Variants in JMJD1C observed in about 807,000 individuals in gnomAD.
The protein encoded by JMJD1C is jumonji domain-containing protein 1C.
Under a neutral mutation model 245.3 loss-of-function variants are expected in JMJD1C, and 31 were observed. The observed-to-expected ratio is 0.13, with a 90% CI of 0.09 to 0.17. The LOEUF (loss-of-function observed/expected upper bound fraction) is 0.17, where lower values mean the gene tolerates loss of function less well. Among genes scored for constraint, JMJD1C ranks in the 10% least tolerant of loss-of-function variants. The pLI is 1.00. For synonymous variants in JMJD1C, 1,057 were observed against 1,017.4 expected, an observed-to-expected ratio of 1.04 and a Z score of -0.74; for missense variants, 2,691 against 3,000.2, an observed-to-expected ratio of 0.90 and a Z score of 2.41.
At chr10:63,271,202 A>C (rs948083719) in intron 2 of JMJD1C, among the ~76,000 whole-genome samples, 42 of 151,884 alleles carry the variant, frequency 2.8e-4, no homozygotes, top group African/African-American at 9.9e-4. Context: ...CTGAGACAGA[A>C]TCTCACTGTT....
chr10:63,388,489 C>A (rs1947801857), intron 1 of JMJD1C, among the ~76,000 whole-genome samples: 5 of 152,118 alleles, frequency 3.3e-5, no homozygotes, highest in Admixed American at 3.3e-4. Context: ...TTAAAGGAGT[C>A]TGATGCTGGG....
intron 1 of JMJD1C, among the ~76,000 whole-genome samples, chr10:63,436,404 C>G (rs1023637446): frequency 1.3e-5 from 2 of 152,180 alleles, no homozygotes; most frequent in East Asian, 3.8e-4. Flanking sequence ...AAGCTACTTA[C>G]TAGCTCTCTT....
At chr10:63,501,749 C>T (rs1018344670) in intron 1 of JMJD1C, among the ~76,000 whole-genome samples, 2 of 151,992 alleles carry the variant, frequency 1.3e-5, no homozygotes, top group Non-Finnish European at 2.9e-5. Flanking sequence ...GCACTCCAGC[C>T]TGGACAACAG....
intron 1 of JMJD1C, among the ~76,000 whole-genome samples, chr10:63,386,362 T>G (rs1029282421): frequency 1.3e-5 from 2 of 152,158 alleles, no homozygotes; most frequent in African/African-American, 4.8e-5. Context: ...CCTTCCCCAG[T>G]AGCAGGGCTG....
chr10:63,247,629 G>T (rs565131938), intron 3 of JMJD1C, among the ~76,000 whole-genome samples: 13 of 147,960 alleles, frequency 8.8e-5, no homozygotes, highest in African/African-American at 3.0e-4. Context: ...GCTACTTGGA[G>T]GTTGAGGCAG....
intron 2 of JMJD1C, among the ~76,000 whole-genome samples, chr10:63,295,174 G>C (rs1209153642): frequency 6.6e-6 from 1 of 152,072 alleles, no homozygotes; most frequent in African/African-American, 2.4e-5. Context: ...TCTCACTGCA[G>C]GTGTGAACTC....
intron 2 of JMJD1C, among the ~76,000 whole-genome samples, chr10:63,352,042 C>A (rs571784162): frequency 6.6e-6 from 1 of 151,884 alleles, no homozygotes; most frequent in South Asian, 2.1e-4. Context: ...TAAGGAGGGG[C>A]GAGAATAAAA....
chr10:63,367,176 G>C (rs958329653), intron 2 of JMJD1C, among the ~76,000 whole-genome samples: 2 of 152,112 alleles, frequency 1.3e-5, no homozygotes, highest in African/African-American at 4.8e-5. Flanking sequence ...AGCCCCTGCT[G>C]GTCTCCTTCC....
intron 2 of JMJD1C, among the ~76,000 whole-genome samples, chr10:63,359,803 G>A (rs368702526): frequency 6.6e-6 from 1 of 152,078 alleles, no homozygotes; most frequent in South Asian, 2.1e-4. Flanking sequence ...TTACAATTTA[G>A]AATTTAAACT....
chr10:63,445,395 A>T (rs1951652187), intron 1 of JMJD1C, among the ~76,000 whole-genome samples: 1 of 152,204 alleles, frequency 6.6e-6, no homozygotes, highest in African/African-American at 2.4e-5. Context: ...TACCAGAAAG[A>T]AGTGATGGAG....
intron 3 of JMJD1C, among the ~76,000 whole-genome samples, chr10:63,255,786 T>C (rs562356707): frequency 6.6e-6 from 1 of 152,188 alleles, no homozygotes; most frequent in East Asian, 1.9e-4. Context: ...GGAAATAAAA[T>C]AATGCACATG....
chr10:63,441,988 T>C (rs995048058), intron 1 of JMJD1C, among the ~76,000 whole-genome samples: 5 of 152,224 alleles, frequency 3.3e-5, no homozygotes, highest in African/African-American at 9.6e-5. Flanking sequence ...ATAGCACCTG[T>C]TATTTGTAAA....
intron 1 of JMJD1C, among the ~76,000 whole-genome samples, chr10:63,411,970 T>G (rs1411642216): frequency 6.7e-6 from 1 of 148,630 alleles, no homozygotes; most frequent in South Asian, 2.2e-4. Flanking sequence ...AGACTGCTCT[T>G]GAACTCCTGA....
intron 1 of JMJD1C, among the ~76,000 whole-genome samples, chr10:63,478,079 A>C (rs1953718724): frequency 6.6e-6 from 1 of 152,152 alleles, no homozygotes; most frequent in Non-Finnish European, 1.5e-5. Context: ...TACAGTGCTG[A>C]CTGGAAGTGA....
intron 2 of JMJD1C, among the ~76,000 whole-genome samples, chr10:63,360,807 C>CA (rs1945261366): frequency 6.6e-6 from 1 of 151,786 alleles, no homozygotes; most frequent in Non-Finnish European, 1.5e-5. Flanking sequence ...ATTTTTGAGA[C>CA]AGAGTCTCAC....
At chr10:63,377,783 C>A (rs1946868821) in intron 2 of JMJD1C, among the ~76,000 whole-genome samples, 1 of 151,718 alleles carries the variant, frequency 6.6e-6, no homozygotes, top group Non-Finnish European at 1.5e-5. Context: ...GTAGTCCTAG[C>A]TACTGGGGAG....
intron 1 of JMJD1C, among the ~76,000 whole-genome samples, chr10:63,397,675 G>A (rs2132555239): frequency 6.6e-6 from 1 of 151,308 alleles, no homozygotes; most frequent in South Asian, 2.1e-4. Context: ...GTGGGATACA[G>A]TCATGTGCCA....
chr10:63,337,033 G>A (rs894496272), intron 2 of JMJD1C, among the ~76,000 whole-genome samples: 1 of 151,914 alleles, frequency 6.6e-6, no homozygotes, highest in South Asian at 2.1e-4. Context: ...TAGAGAGGGG[G>A]TTTCACCATG....
rs1417675398 is a variant in JMJD1C, at chr10:63,272,740, AAACT to A, written c.334-7980_334-7977del. Among the ~76,000 whole-genome samples the A allele has an allele frequency of 1.2e-4, 19 of 152,386 alleles. No homozygotes were observed. The South Asian group carries it at 3.3e-3, about 27-fold the overall frequency. On this transcript the variant is annotated intron_variant, in intron 2 of 25. Transcript: ENST00000399262. ...AATGCTTAATACAGCTTAATATAAC[AAACT>A]ATCAAATTTTAAGTACTTTAGTACA...
Sources: gnomAD v4.1 joint callset for allele counts (sites outside exome capture counted in the v4.1 genomes callset) on GRCh38, gnomAD v4.1.1 for gene constraint, MANE v1.5 for transcripts, NCBI Gene and HGNC (gene_info 2026-07-23, HGNC 2026-07-21) for gene names.